Variants in TRIM49C observed in about 807,000 individuals in gnomAD.
TRIM49C encodes the protein tripartite motif-containing protein 49C.
TRIM49C carries 6 observed loss-of-function variants against 21.4 expected under a neutral mutation model. The ratio of observed to expected loss-of-function variants is 0.28; its 90% CI spans 0.15 to 0.55. The LOEUF is 0.55. Among genes scored for constraint, TRIM49C ranks in the 20% least tolerant of loss-of-function variants. The pLI, the probability that TRIM49C is intolerant of heterozygous loss-of-function variation, is 0.94. For synonymous variants in TRIM49C, 57 were observed against 148.1 expected (o/e 0.38, Z 4.47); for missense variants, 161 against 442.4 (o/e 0.36, Z 5.71).
At chr11:90,047,284 CT>C in the TRIM49C span, among the ~76,000 whole-genome samples, 1 of 100,266 alleles carries the variant, frequency 1.0e-5, no homozygotes, top group Non-Finnish European at 1.9e-5. Context: ...TCTATTAGGT[CT>C]GCTTGGTGCA....
the TRIM49C span, chr11:90,073,481 T>C: frequency 2.6e-6 from 1 of 388,140 alleles, no homozygotes; most frequent in South Asian, 2.6e-5. Context: ...CTTTTCAGGC[T>C]TTTTTCTACT....
downstream of TRIM49C, among the ~76,000 whole-genome samples, chr11:90,046,093 C>T (rs200584179): frequency 3.9e-4 from 47 of 121,272 alleles, 16 homozygotes; most frequent in East Asian, 0.011. Context: ...TATTGATTTG[C>T]GTATGTTGAA....
At position 90,035,598 on chromosome 11, in the gene TRIM49C, T is replaced by C; in HGVS notation, c.387T>C (p.Ile129=). The part of the protein sequence containing the change: ...QEHRYHRHRP[I]EWAAEEHREK... ...ACCGGTATCACAGACACCGTCCCAT[T>C]GAGTGGGCTGCTGAGGAACACCGGG... is the stretch of plus-strand genomic sequence containing the variant. Residue 129 remains isoleucine, a synonymous_variant, in exon 3 of 8, where the codon ATT becomes ATC. Transcript: ENST00000448984. The C allele has an allele frequency of 2.8e-6, 4 of 1,423,008 alleles. No individual in the cohort carries two copies. The highest frequency in any genetic ancestry group is 3.7e-6 in the Non-Finnish European group (4 of 1,068,432). 88.1% of individuals were successfully genotyped at this position (1,423,008 alleles called of 1,614,324 possible).
chr11:90,053,766 C>G, the TRIM49C span: 27 of 142,018 alleles, frequency 1.9e-4, no homozygotes, highest in African/African-American at 5.6e-4. Flanking sequence ...ATCGCGGCAC[C>G]GTCCGGGAAA....
chr11:90,065,960 G>GA, the TRIM49C span, among the ~76,000 whole-genome samples: 1,663 of 108,464 alleles, frequency 0.015, 121 homozygotes, highest in African/African-American at 0.047. Flanking sequence ...TGTCTCAAAA[G>GA]AAAAAAAAAA....
the TRIM49C span, chr11:90,071,863 C>G: frequency 1.9e-4 from 118 of 637,116 alleles, 21 homozygotes; most frequent in Admixed American, 7.3e-4. Flanking sequence ...GGCAGCCTTC[C>G]CAGTGTAACG....
At position 90,033,635 on chromosome 11, in the gene TRIM49C, T is replaced by C. The variant is rs1291388254; in HGVS notation, c.-5+1053T>C. Among the ~76,000 whole-genome samples, 2 of 133,854 alleles carry C rather than the reference T, an allele frequency of 1.5e-5. 1 individual carries two copies. The highest frequency in any genetic ancestry group is 5.3e-5 in the African/African-American group (2 of 37,398). The allele number at this position is 133,854 out of a possible 152,430, so 87.8% of individuals were successfully genotyped here. A position where few individuals can be genotyped will look rare whatever the true frequency, so the allele number is the denominator to read the frequency against. The stretch of plus-strand genomic sequence containing the variant: ...CCATCTAGATTTGTGTGGTATATTC[T>C]ATCATATTAAAACAATGAAACCGCC... On this transcript the variant is annotated intron_variant, in intron 2 of 7. Coordinates refer to ENST00000448984, the MANE Select transcript of TRIM49C (RefSeq NM_001195234.1).
At chr11:90,037,315 C>T (rs1352525256) in intron 4 of TRIM49C, among the ~76,000 whole-genome samples, 1 of 132,138 alleles carries the variant, frequency 7.6e-6, no homozygotes, top group Admixed American at 8.8e-5. Flanking sequence ...TTTTGCTGAG[C>T]GAAATGCACT....
At chr11:90,062,359 T>C in the TRIM49C span, among the ~76,000 whole-genome samples, 7 of 135,668 alleles carry the variant, frequency 5.2e-5, no homozygotes, top group African/African-American at 1.2e-4. Context: ...CTCCATTCTA[T>C]ATGTTTGAAC....
the TRIM49C span, chr11:90,053,767 G>T: frequency 7.1e-6 from 1 of 141,712 alleles, no homozygotes; most frequent in Non-Finnish European, 1.6e-5. Context: ...TCGCGGCACC[G>T]TCCGGGAAAG....
At chr11:90,071,612 G>A in the TRIM49C span, 1 of 729,234 alleles carries the variant, frequency 1.4e-6, no homozygotes, top group Non-Finnish European at 2.2e-6. Flanking sequence ...ATCAGAAGTG[G>A]TTTGAATGAA....
chr11:90,063,070 A>G, the TRIM49C span: 18 of 1,353,538 alleles, frequency 1.3e-5, 1 homozygote, highest in East Asian at 2.6e-5. Flanking sequence ...GAAAAGGAAA[A>G]AAAGGCCGGT....
At chr11:90,032,193 G>A in intron 1 of TRIM49C, among the ~76,000 whole-genome samples, 1 of 132,938 alleles carries the variant, frequency 7.5e-6, no homozygotes. Flanking sequence ...ATGCATCTTA[G>A]TTAATTTCTA....
chr11:90,061,786 A>C, the TRIM49C span, among the ~76,000 whole-genome samples: 3 of 107,588 alleles, frequency 2.8e-5, no homozygotes, highest in African/African-American at 1.5e-4. Context: ...ACTAGAATTA[A>C]TTTGGCTAGC....
At chr11:90,073,284 G>A in the TRIM49C span, 2 of 1,058,318 alleles carry the variant, frequency 1.9e-6, no homozygotes, top group Non-Finnish European at 2.8e-6. Flanking sequence ...TTTGAAAGTG[G>A]AAGTGTGAGT....
chr11:90,065,757 C>A, the TRIM49C span, among the ~76,000 whole-genome samples: 3 of 139,650 alleles, frequency 2.1e-5, 1 homozygote, highest in African/African-American at 7.7e-5. Context: ...GAGTTCAAGA[C>A]CAGCCTGGCC....
downstream of TRIM49C, among the ~76,000 whole-genome samples, chr11:90,046,125 G>T (rs1259701534): frequency 1.6e-5 from 2 of 122,490 alleles, 1 homozygote; most frequent in African/African-American, 6.6e-5. Context: ...TCCCAGGGAT[G>T]AAGCCCACTT....
At chr11:90,070,010 C>G in the TRIM49C span, among the ~76,000 whole-genome samples, 4 of 134,298 alleles carry the variant, frequency 3.0e-5, no homozygotes, top group African/African-American at 1.2e-4. Flanking sequence ...CCCCCTCCTT[C>G]ATTTGATTGG....
the TRIM49C span, among the ~76,000 whole-genome samples, chr11:90,056,119 C>T: frequency 5.9e-5 from 8 of 135,616 alleles, no homozygotes; most frequent in Admixed American, 2.5e-4. Context: ...CCACCGCGCC[C>T]GGCTAATTTT....
Sources: allele counts gnomAD v4.1 joint callset (sites outside exome capture counted in the v4.1 genomes callset), GRCh38; gene constraint gnomAD v4.1.1; transcripts MANE v1.5; gene names NCBI Gene and HGNC (gene_info 2026-07-23, HGNC 2026-07-21).